Variants in RP1 observed in about 807,000 individuals in gnomAD.
RP1 encodes the protein oxygen-regulated protein 1.
RP1 carries 16 observed loss-of-function variants against 14.8 expected under a neutral mutation model. That is an observed-to-expected ratio of 1.08 (90% confidence interval 0.73 to 1.65). RP1 has a LOEUF of 1.65. Ranked by LOEUF, RP1 falls within the 40% of genes most tolerant of loss-of-function variation. RP1 has a pLI of 0.00. For synonymous variants in RP1, 876 were observed against 883.6 expected (o/e 0.99, Z 0.15); for missense variants, 2,631 against 2,535.0 (o/e 1.04, Z -0.81).
intron 27 of RP1, among the ~76,000 whole-genome samples, chr8:54,863,044 G>GAT (rs61233765): frequency 0.17 from 16,917 of 101,388 alleles, 1,840 homozygotes; most frequent in African/African-American, 0.29. Flanking sequence ...ATTCCAAATG[G>GAT]ATATATATAT....
rs878853328 is a variant in RP1 at position 54,625,914 on chromosome 8, C to T, written c.2032C>T (p.Gln678Ter). The change falls in exon 4 of 4, where the codon CAG (glutamine) becomes TAG (stop). Residue 678 changes from glutamine to a stop codon, truncating the protein, a stop_gained. Coordinates refer to ENST00000220676, the MANE Select transcript of RP1 (RefSeq NM_006269.2). LOFTEE classifies it low-confidence loss of function (END_TRUNC). ...VASKKKKKSRQQAINSRYQDG... is the reference protein window; with the variant it reads ...VASKKKKKSR Reference sequence around the variant, plus strand: ...CAGCAAAAAGAAGAAAAAATCTCGACAGCAAGCAATAAATTCCAGGTATCA... The same window carrying T: ...CAGCAAAAAGAAGAAAAAATCTCGATAGCAAGCAATAAATTCCAGGTATCA... The T allele has an allele frequency of 6.2e-7, 1 of 1,613,838 alleles. No homozygotes were observed. Among genetic ancestry groups the T allele is most frequent in the Admixed American group, 1.7e-5 (1 of 59,994 alleles).
chr8:54,661,212 T>TATATATACATAATGATATATATA (rs1252204930), intron 6 of RP1, among the ~76,000 whole-genome samples: 4 of 147,288 alleles, frequency 2.7e-5, no homozygotes, highest in Admixed American at 2.0e-4. Flanking sequence ...ATTATATTAT[T>TATATATACATAATGATATATATA]ATATATACAT....
At chr8:54,862,716 T>A (rs955434454) in intron 27 of RP1, among the ~76,000 whole-genome samples, 15 of 151,984 alleles carry the variant, frequency 9.9e-5, no homozygotes, top group Admixed American at 9.2e-4. Context: ...AGACGGAAAG[T>A]CCCCTGCAAC....
intron 26 of RP1, among the ~76,000 whole-genome samples, chr8:54,855,211 T>G (rs1169234263): frequency 6.6e-6 from 1 of 152,252 alleles, no homozygotes; most frequent in Non-Finnish European, 1.5e-5. Context: ...TCAAATTTCA[T>G]GCATGTTGTA....
chr8:54,752,845 C>G (rs1331713273), intron 19 of RP1, among the ~76,000 whole-genome samples: 1 of 152,284 alleles, frequency 6.6e-6, no homozygotes, highest in East Asian at 1.9e-4. Flanking sequence ...AGACACTGGC[C>G]TCTGTCTAAA....
chr8:54,641,460 C>G (rs1313376331), intron 3 of RP1, among the ~76,000 whole-genome samples: 1 of 152,088 alleles, frequency 6.6e-6, no homozygotes, highest in Non-Finnish European at 1.5e-5. Flanking sequence ...AGGTTGATAA[C>G]AGTTTTTACA....
At chr8:54,633,755 A>ATATG (rs1806297594), downstream of RP1, among the ~76,000 whole-genome samples, 2 of 149,116 alleles carry the variant, frequency 1.3e-5, no homozygotes, top group Non-Finnish European at 3.0e-5. Flanking sequence ...ATATATATAT[A>ATATG]TATATGAAAT....
chr8:54,820,400 A>G (rs1468867506), intron 24 of RP1, among the ~76,000 whole-genome samples: 1 of 152,108 alleles, frequency 6.6e-6, no homozygotes, highest in East Asian at 1.9e-4. Flanking sequence ...TTTCAAATTT[A>G]TACAGGACCC....
At chr8:54,753,242 T>C (rs1809417919) in intron 19 of RP1, among the ~76,000 whole-genome samples, 1 of 152,200 alleles carries the variant, frequency 6.6e-6, no homozygotes, top group Non-Finnish European at 1.5e-5. Flanking sequence ...GCTGAGTTAG[T>C]CTGTAACCTG....
intron 24 of RP1, among the ~76,000 whole-genome samples, chr8:54,829,149 A>G (rs1233988761): frequency 6.6e-6 from 1 of 152,018 alleles, no homozygotes; most frequent in East Asian, 1.9e-4. Context: ...TTACAAGACC[A>G]CTGCATATAT....
intron 24 of RP1, among the ~76,000 whole-genome samples, chr8:54,801,513 C>T (rs1810706293): frequency 6.6e-6 from 1 of 152,022 alleles, no homozygotes; most frequent in Admixed American, 6.6e-5. Context: ...TGTTTCTCTT[C>T]CCTCTGCAAA....
At chr8:54,667,850 C>G (rs1807053316) in intron 7 of RP1, among the ~76,000 whole-genome samples, 1 of 151,952 alleles carries the variant, frequency 6.6e-6, no homozygotes, top group East Asian at 1.9e-4. Flanking sequence ...TAATTAATAG[C>G]CTACCAAACA....
chr8:54,604,659 A>T (rs968559533), intron 1 of RP1, among the ~76,000 whole-genome samples: 2 of 152,284 alleles, frequency 1.3e-5, no homozygotes, highest in African/African-American at 2.4e-5. Flanking sequence ...CAGTCAATCC[A>T]TCTGGTCCTG....
intron 24 of RP1, among the ~76,000 whole-genome samples, chr8:54,835,988 G>C (rs1811646965): frequency 2.0e-5 from 3 of 152,140 alleles, no homozygotes; most frequent in Admixed American, 2.0e-4. Context: ...ATAATAGGAG[G>C]GGGACCAGCT....
At chr8:54,757,618 T>C (rs956557345) in intron 21 of RP1, among the ~76,000 whole-genome samples, 1 of 152,230 alleles carries the variant, frequency 6.6e-6, no homozygotes, top group Non-Finnish European at 1.5e-5. Flanking sequence ...CTCTCAGATT[T>C]GTCCCACCAG....
rs1421559976 is a variant in RP1, at chr8:54,853,769, AG to A, written c.3990+1042del. 4.2e-3 allele frequency among the ~76,000 whole-genome samples: 553 copies of A among 130,814 alleles called. 1 individual carries two copies. Among genetic ancestry groups the A allele is most frequent in the African/African-American group, 5.6e-3 (182 of 32,502 alleles). 85.8% of individuals were successfully genotyped at this position (130,814 alleles called of 152,430 possible). On this transcript the variant is annotated intron_variant, in intron 26 of 28. Transcript: ENST00000637698. ...GAAAGAAAGAGAGAGAGAAAGAAAG[AG>A]AAAGGAAGGAAGAGAAAGAAAGAGA...
At chr8:54,701,238 C>T (rs575770919) in intron 13 of RP1, among the ~76,000 whole-genome samples, 18 of 152,026 alleles carry the variant, frequency 1.2e-4, no homozygotes, top group African/African-American at 4.3e-4. Flanking sequence ...AATTATCCTG[C>T]CAATGAAGTT....
At chr8:54,795,123 C>T (rs1159166779) in intron 24 of RP1, among the ~76,000 whole-genome samples, 6 of 152,014 alleles carry the variant, frequency 3.9e-5, no homozygotes, top group Middle Eastern at 3.4e-3. Context: ...GAAAAGGGAA[C>T]CCTTGTATAT....
intron 27 of RP1, among the ~76,000 whole-genome samples, chr8:54,863,735 C>T (rs893245910): frequency 6.6e-6 from 1 of 152,210 alleles, no homozygotes; most frequent in East Asian, 1.9e-4. Context: ...AATCCCCAAA[C>T]AGCATAGTTC....
Sources: gnomAD v4.1 joint callset for allele counts (sites outside exome capture counted in the v4.1 genomes callset) on GRCh38, gnomAD v4.1.1 for gene constraint, MANE v1.5 for transcripts, NCBI Gene and HGNC (gene_info 2026-07-23, HGNC 2026-07-21) for gene names.